Variants in ZNF385D observed in about 807,000 individuals in gnomAD.
ZNF385D encodes the protein zinc finger protein 659.
Under a neutral mutation model 35.8 loss-of-function variants are expected in ZNF385D, and 15 were observed. That is an observed-to-expected ratio of 0.42 (90% confidence interval 0.28 to 0.64). The LOEUF is 0.64. Ranked by LOEUF, ZNF385D falls within the 30% of genes least tolerant of loss-of-function variation. The pLI, the probability that ZNF385D is intolerant of heterozygous loss-of-function variation, is 0.23. For synonymous variants in ZNF385D, 212 were observed against 186.8 expected (o/e 1.13, Z -1.10); for missense variants, 474 against 494.6 (o/e 0.96, Z 0.39).
chr3:21,635,882 CATTA>C (rs1208437501), intron 2 of ZNF385D, among the ~76,000 whole-genome samples: 2 of 152,038 alleles, frequency 1.3e-5, no homozygotes, highest in African/African-American at 4.8e-5. Flanking sequence ...CTGCAAATGT[CATTA>C]ATTATTTCCT....
intron 3 of ZNF385D, among the ~76,000 whole-genome samples, chr3:21,773,143 C>T (rs540525855): frequency 6.6e-6 from 1 of 151,766 alleles, no homozygotes; most frequent in South Asian, 2.1e-4. Flanking sequence ...AATGGTTGCA[C>T]AACATTATGA....
At chr3:21,438,057 AAATCTG>A (rs1339384501) in intron 4 of ZNF385D, among the ~76,000 whole-genome samples, 2 of 152,168 alleles carry the variant, frequency 1.3e-5, no homozygotes, top group Non-Finnish European at 2.9e-5. Context: ...GTCTGATGCT[AAATCTG>A]GAGAGATCAA....
At chr3:21,454,222 T>A (rs1211258133) in intron 4 of ZNF385D, among the ~76,000 whole-genome samples, 1 of 151,982 alleles carries the variant, frequency 6.6e-6, no homozygotes, top group Non-Finnish European at 1.5e-5. Context: ...AATTAAGAGG[T>A]AAAGGTTTCT....
At chr3:22,045,330 C>T (rs907282344) in intron 3 of ZNF385D, among the ~76,000 whole-genome samples, 2 of 151,860 alleles carry the variant, frequency 1.3e-5, no homozygotes, top group African/African-American at 2.4e-5. Context: ...ATAAATATAA[C>T]ATAATAAAAG....
At chr3:22,174,455 A>G (rs1694682969) in intron 2 of ZNF385D, among the ~76,000 whole-genome samples, 1 of 152,198 alleles carries the variant, frequency 6.6e-6, no homozygotes, top group Admixed American at 6.6e-5. Flanking sequence ...TAGTTTTACA[A>G]ATGACTTACA....
chr3:22,106,341 G>A (rs1702212215), intron 3 of ZNF385D, among the ~76,000 whole-genome samples: 1 of 152,140 alleles, frequency 6.6e-6, no homozygotes, highest in Non-Finnish European at 1.5e-5. Flanking sequence ...TTTGAAAGAT[G>A]ATGAAACTGA....
rs374166678 is a variant in ZNF385D, at chr3:22,240,201, A to AAAAAAAAAAAAAAAAAAAG, written c.107-71167_107-71166insCTTTTTTTTTTTTTTTTTT. On this transcript the variant is annotated intron_variant, in intron 2 of 5. Coordinates refer to the ZNF385D transcript ENST00000494108. The stretch of plus-strand genomic sequence containing the variant: ...CTGTCTCCAAAAAAAAAAAAAAAAA[A>AAAAAAAAAAAAAAAAAAAG]AAGATTTCAGACACCTGGCTCCACC... Among the ~76,000 whole-genome samples, 2 of 121,044 alleles carry AAAAAAAAAAAAAAAAAAAG rather than the reference A, an allele frequency of 1.7e-5. 1 individual carries two copies. The allele number at this position is 121,044 out of a possible 152,430, so 79.4% of individuals were successfully genotyped here. A position where few individuals can be genotyped will look rare whatever the true frequency, so the allele number is the denominator to read the frequency against.
chr3:21,955,566 G>C (rs1291286935), intron 3 of ZNF385D, among the ~76,000 whole-genome samples: 1 of 152,100 alleles, frequency 6.6e-6, no homozygotes, highest in Non-Finnish European at 1.5e-5. Context: ...ACTGAAGCCT[G>C]GGTGAGGAAA....
intron 3 of ZNF385D, among the ~76,000 whole-genome samples, chr3:22,142,221 G>A (rs964047554): frequency 7.9e-5 from 12 of 152,084 alleles, no homozygotes; most frequent in Non-Finnish European, 1.8e-4. Flanking sequence ...CTTTACTAGT[G>A]TTTTTACTAT....
chr3:21,630,754 T>C (rs939074255), intron 2 of ZNF385D, among the ~76,000 whole-genome samples: 3 of 152,172 alleles, frequency 2.0e-5, no homozygotes, highest in African/African-American at 7.2e-5. Context: ...ACTGTGATCC[T>C]CACCATCATC....
intron 4 of ZNF385D, among the ~76,000 whole-genome samples, chr3:21,494,399 G>A (rs1363750985): frequency 6.6e-6 from 1 of 152,150 alleles, no homozygotes; most frequent in Non-Finnish European, 1.5e-5. Flanking sequence ...TGAGGGTTCT[G>A]TAAAATGAAA....
chr3:21,640,979 A>C (rs534360666), intron 2 of ZNF385D, among the ~76,000 whole-genome samples: 28 of 152,204 alleles, frequency 1.8e-4, no homozygotes, highest in Middle Eastern at 3.4e-3. Flanking sequence ...GGATGGTATG[A>C]AAATGGTCAC....
chr3:21,696,011 C>A (rs1368255485), intron 1 of ZNF385D, among the ~76,000 whole-genome samples: 3 of 151,998 alleles, frequency 2.0e-5, no homozygotes, highest in African/African-American at 7.3e-5. Context: ...GTATTATAGC[C>A]CTGTTTTACA....
chr3:22,079,808 G>T (rs1317152339), intron 3 of ZNF385D, among the ~76,000 whole-genome samples: 1 of 151,822 alleles, frequency 6.6e-6, no homozygotes, highest in Admixed American at 6.6e-5. Context: ...GGACATACGG[G>T]TATTAAAAGA....
chr3:22,112,845 GA>G (rs34964113), intron 3 of ZNF385D, among the ~76,000 whole-genome samples: 26 of 151,524 alleles, frequency 1.7e-4, no homozygotes, highest in Middle Eastern at 3.4e-3. Context: ...CTATGGGGGG[GA>G]AAAAAAACAG....
intron 2 of ZNF385D, among the ~76,000 whole-genome samples, chr3:22,319,643 A>T (rs11129051): frequency 0.23 from 34,793 of 151,930 alleles, 4,120 homozygotes; most frequent in African/African-American, 0.25. Context: ...TGAATCCCTG[A>T]ACACTGACTC....
At position 21,912,363 on chromosome 3, in the gene ZNF385D, G is replaced by A. The variant is rs560271151; in HGVS notation, c.326-247335C>T. ...TTTTCTAGTGGACTTCTGGGGAGATGACAGTTAACATCAAGTTTTAAGAGG... is the reference window on the plus strand; with the variant it reads ...TTTTCTAGTGGACTTCTGGGGAGATAACAGTTAACATCAAGTTTTAAGAGG... On this transcript the variant is annotated intron_variant, in intron 3 of 5. Transcript: ENST00000494108. Among the ~76,000 whole-genome samples the A allele has an allele frequency of 5.4e-4, 81 of 150,430 alleles. 1 individual carries two copies. Among genetic ancestry groups the A allele is most frequent in the South Asian group, 4.6e-3 (22 of 4,826 alleles).
chr3:22,218,459 G>GTA (rs368843857), intron 2 of ZNF385D, among the ~76,000 whole-genome samples: 8 of 151,866 alleles, frequency 5.3e-5, no homozygotes, highest in Non-Finnish European at 7.4e-5. Flanking sequence ...ATAAATATAT[G>GTA]TATATATATG....
intron 3 of ZNF385D, among the ~76,000 whole-genome samples, chr3:21,812,605 A>T (rs1334769251): frequency 6.6e-6 from 1 of 152,214 alleles, no homozygotes; most frequent in Non-Finnish European, 1.5e-5. Context: ...CTGCTAGCAC[A>T]GCAGTCCGAG....
Sources: allele counts gnomAD v4.1 joint callset (sites outside exome capture counted in the v4.1 genomes callset), GRCh38; gene constraint gnomAD v4.1.1; transcripts MANE v1.5; gene names NCBI Gene and HGNC (gene_info 2026-07-23, HGNC 2026-07-21).